The following VCAN variants were observed in gnomAD, a reference collection of about 807,000 sequenced individuals.
VCAN encodes versican.
VCAN carries 44 observed loss-of-function variants against 245.5 expected under a neutral mutation model. The ratio of observed to expected loss-of-function variants is 0.18; its 90% CI spans 0.14 to 0.23. The LOEUF (loss-of-function observed/expected upper bound fraction) is 0.23, where lower values mean the gene tolerates loss of function less well. Among genes scored for constraint, VCAN ranks in the 10% least tolerant of loss-of-function variants. The probability of loss-of-function intolerance (pLI) is 1.00; values close to 1 mark genes in which losing one functional copy is unlikely to be tolerated. For synonymous variants in VCAN, 1,413 were observed against 1,437.0 expected (o/e 0.98, Z 0.38); for missense variants, 3,793 against 4,057.9 (o/e 0.93, Z 1.77).
Position 83,541,072 on chromosome 5 carries a change from C to A in VCAN, c.8069C>A (p.Ala2690Glu), listed in dbSNP as rs1026028217. The change falls in exon 8 of 15, where the codon GCA becomes GAA. Residue 2690 changes from alanine to glutamate, a missense_variant. Around this residue, in one of 5 missense-constraint regions of VCAN, gnomAD observed 3,182 missense variants for 3,250.3 expected, o/e 0.98. Transcript: ENST00000265077. Reference sequence around the variant, plus strand: ...GAATTAGACGTTTTACTTCCCACGGCAACATCCCTGCCAATTCCTCGTAAG... The same window carrying A: ...GAATTAGACGTTTTACTTCCCACGGAAACATCCCTGCCAATTCCTCGTAAG... ...ETELDVLLPTATSLPIPRKSA... is the reference protein window; with the variant it reads ...ETELDVLLPTETSLPIPRKSA... 1 of 1,614,062 alleles carries A rather than the reference C, an allele frequency of 6.2e-7. No individual in the cohort carries two copies. The highest frequency in any genetic ancestry group is 8.5e-7 in the Non-Finnish European group (1 of 1,179,984).
At position 83,522,378 on chromosome 5, in the gene VCAN, A is replaced by G. The variant is rs1340693161; in HGVS notation, c.4003+69A>G. On this transcript the variant is annotated intron_variant, in intron 7 of 14. Transcript: ENST00000265077. Reference sequence around the variant, plus strand: ...TTTATCTTGAAAGTTACTTTTGGGGAAAAAAAGTCAACATACCAAATGCTG... The same window carrying G: ...TTTATCTTGAAAGTTACTTTTGGGGGAAAAAAGTCAACATACCAAATGCTG... 1.2e-5 allele frequency: 18 copies of G among 1,484,892 alleles called. No individual in the cohort carries two copies. In the South Asian group the frequency reaches 1.4e-4, roughly 11 times the overall value. 92.0% of individuals were successfully genotyped at this position (1,484,892 alleles called of 1,614,324 possible).
At chr5:83,551,458 G>A (rs1445914500) in intron 10 of VCAN, among the ~76,000 whole-genome samples, 1 of 151,874 alleles carries the variant, frequency 6.6e-6, no homozygotes, top group Non-Finnish European at 1.5e-5. Flanking sequence ...GTTGCAGTGA[G>A]CCAAGATCAT....
At chr5:83,527,008 G>A (rs530715550) in intron 7 of VCAN, among the ~76,000 whole-genome samples, 17 of 152,128 alleles carry the variant, frequency 1.1e-4, no homozygotes, top group Non-Finnish European at 2.4e-4. Flanking sequence ...GGCCCTCTTT[G>A]GAGCATTTTT....
At chr5:83,554,647 TAAAAA>T (rs1055165088) in intron 11 of VCAN, among the ~76,000 whole-genome samples, 2 of 151,830 alleles carry the variant, frequency 1.3e-5, no homozygotes, top group African/African-American at 4.8e-5. Context: ...ATTTCTATCA[TAAAAA>T]AAAGAAAATT....
chr5:83,561,106 A>G (rs943379254), intron 12 of VCAN, among the ~76,000 whole-genome samples: 7 of 152,044 alleles, frequency 4.6e-5, no homozygotes, highest in African/African-American at 1.7e-4. Context: ...CACTTTTTTT[A>G]CTTCTGTCAT....
chr5:83,476,496 TGATTGTTACATAG>T (rs1400127184), intron 1 of VCAN, among the ~76,000 whole-genome samples: 4 of 152,232 alleles, frequency 2.6e-5, no homozygotes, highest in Admixed American at 1.3e-4. Flanking sequence ...GAAAATATGC[TGATTGTTACATAG>T]GTCTGTATTT....
chr5:83,519,777 G>A lies in VCAN; in HGVS notation c.1471G>A (p.Glu491Lys). 1.9e-6 allele frequency: 3 copies of A among 1,614,128 alleles called. No homozygotes were observed. Among genetic ancestry groups the A allele is most frequent in the Non-Finnish European group, 2.5e-6 (3 of 1,179,980 alleles). The change falls in exon 7 of 15, where the codon GAA (glutamate) becomes AAA (lysine). Residue 491 changes from glutamate to lysine, a missense_variant. Physicochemically the swap from Glu to Lys is moderately conservative, Grantham distance 56. Coordinates refer to ENST00000265077, the MANE Select transcript of VCAN (RefSeq NM_004385.5). ...KQTQESVTQI[E>K]QIEVGPLVTS... ...AACACAAGAATCGGTTACACAGATT[G>A]AACAAATAGAAGTGGGTCCTTTGGT... is the stretch of plus-strand genomic sequence containing the variant.
intron 11 of VCAN, 89 bp from the exon 12 acceptor site, chr5:83,554,867 G>T: frequency 8.1e-7 from 1 of 1,239,342 alleles, no homozygotes; most frequent in Non-Finnish European, 1.2e-6. Context: ...GAGGATGCAT[G>T]ATTCATGCTG....
chr5:83,557,293 G>T (rs886524499), intron 12 of VCAN, among the ~76,000 whole-genome samples: 1 of 152,072 alleles, frequency 6.6e-6, no homozygotes, highest in Non-Finnish European at 1.5e-5. Flanking sequence ...TAGCATGTAT[G>T]TGTGTTACTA....
At chr5:83,497,415 T>C (rs1397907628) in intron 5 of VCAN, among the ~76,000 whole-genome samples, 3 of 152,160 alleles carry the variant, frequency 2.0e-5, no homozygotes, top group Admixed American at 6.5e-5. Context: ...AAGGTGGTGA[T>C]TATAACAGTT....
chr5:83,555,200 C>T (rs1747624818), intron 12 of VCAN, among the ~76,000 whole-genome samples, 162 bp downstream of exon 12: 1 of 152,170 alleles, frequency 6.6e-6, no homozygotes. Flanking sequence ...TCCAAGCTAC[C>T]TGATCCAACA....
At chr5:83,528,989 T>C (rs372335189) in intron 7 of VCAN, among the ~76,000 whole-genome samples, 1 of 141,410 alleles carries the variant, frequency 7.1e-6, no homozygotes, top group East Asian at 2.1e-4. Flanking sequence ...GAAACAAAGA[T>C]ACACACACAC....
At chr5:83,480,642 G>A (rs1744582895) in intron 1 of VCAN, among the ~76,000 whole-genome samples, 1 of 152,208 alleles carries the variant, frequency 6.6e-6, no homozygotes, top group Non-Finnish European at 1.5e-5. Context: ...GAATTATTAA[G>A]TTGAATAAAG....
At chr5:83,574,786 A>G (rs536768030) in intron 13 of VCAN, among the ~76,000 whole-genome samples, 21 of 152,322 alleles carry the variant, frequency 1.4e-4, no homozygotes, top group African/African-American at 4.6e-4. Context: ...TCTGTAGTTG[A>G]ATATTTACAA....
chr5:83,547,637 C>T (rs767666196), intron 9 of VCAN, among the ~76,000 whole-genome samples: 2 of 152,010 alleles, frequency 1.3e-5, no homozygotes, highest in African/African-American at 4.8e-5. Flanking sequence ...ATTCTTCATT[C>T]GTTTTAGGGC....
intron 10 of VCAN, among the ~76,000 whole-genome samples, chr5:83,552,232 C>T (rs1300256183): frequency 1.3e-5 from 2 of 152,128 alleles, no homozygotes; most frequent in Admixed American, 1.3e-4. Flanking sequence ...TTCAATTTGG[C>T]CACCAAAACT....
At chr5:83,529,875 A>C (rs1046137526) in intron 7 of VCAN, among the ~76,000 whole-genome samples, 1 of 152,150 alleles carries the variant, frequency 6.6e-6, no homozygotes, top group Admixed American at 6.6e-5. Context: ...GTGGGCTTTA[A>C]AAATTATTTC....
chr5:83,511,611 C>T (rs1242101425), intron 5 of VCAN, among the ~76,000 whole-genome samples: 1 of 149,352 alleles, frequency 6.7e-6, no homozygotes, highest in African/African-American at 2.5e-5. Context: ...TCCACTTTGT[C>T]GGTAGTTATA....
In VCAN at chr5:83,519,810, A is replaced by G. The variant is rs138021051; in HGVS notation, c.1504A>G (p.Met502Val). The G allele has an allele frequency of 1.3e-5, 21 of 1,614,178 alleles. No homozygotes were observed. Among genetic ancestry groups the G allele is most frequent in the African/African-American group, 4.0e-5 (3 of 75,062 alleles). The change falls in exon 7 of 15, where the codon ATG (methionine) becomes GTG (valine). Residue 502 changes from methionine (M) to valine (V), a missense_variant. By Grantham distance (21) the Met-to-Val change is conservative. This residue lies in a region of VCAN where 3,182 missense variants were observed against 3,250.3 expected (regional missense o/e 0.98). Coordinates refer to ENST00000265077, the MANE Select transcript of VCAN (RefSeq NM_004385.5). Reference sequence around the variant, plus strand: ...AGAAGTGGGTCCTTTGGTAACATCTATGGAAATCTTAAAGCACATTCCTTC... The same window carrying G: ...AGAAGTGGGTCCTTTGGTAACATCTGTGGAAATCTTAAAGCACATTCCTTC... ...QIEVGPLVTS[M>V]EILKHIPSKE...
Sources: allele counts gnomAD v4.1 joint callset (sites outside exome capture counted in the v4.1 genomes callset), GRCh38; gene constraint gnomAD v4.1.1; regional missense constraint gnomAD v4.1.1; transcripts MANE v1.5; gene names NCBI Gene and HGNC (gene_info 2026-07-23, HGNC 2026-07-21).